Variants in CPQ observed in about 807,000 individuals in gnomAD.
CPQ encodes Ser-Met dipeptidase.
CPQ carries 37 observed loss-of-function variants against 45.7 expected under a neutral mutation model. The observed-to-expected ratio is 0.81, with a 90% CI of 0.62 to 1.07. The LOEUF (loss-of-function observed/expected upper bound fraction) is 1.07, where lower values mean the gene tolerates loss of function less well. Among genes scored for constraint, CPQ ranks in the 50% least tolerant of loss-of-function variants. The probability of loss-of-function intolerance (pLI) is 0.00; values close to 1 mark genes in which losing one functional copy is unlikely to be tolerated. For missense variants in CPQ, 537 were observed against 572.9 expected (o/e 0.94, Z 0.64); for synonymous variants, 186 against 205.8 (o/e 0.90, Z 0.82).
chr8:96,880,341 T>C (rs1812204169), intron 4 of CPQ, among the ~76,000 whole-genome samples: 1 of 151,762 alleles, frequency 6.6e-6, no homozygotes, highest in African/African-American at 2.4e-5. Context: ...GAAAACAGAA[T>C]TAGCGTTTGA....
intron 1 of CPQ, among the ~76,000 whole-genome samples, chr8:96,720,889 G>T (rs1051835499): frequency 1.3e-5 from 2 of 151,798 alleles, no homozygotes; most frequent in South Asian, 2.1e-4. Flanking sequence ...ATTTTCTATG[G>T]TGTGGTCCTA....
At chr8:96,979,851 G>A (rs116155002) in intron 5 of CPQ, among the ~76,000 whole-genome samples, 2,485 of 152,188 alleles carry the variant, frequency 0.016, 63 homozygotes, top group African/African-American at 0.056. Context: ...AATCCTGCTC[G>A]TGCCCTCCTC....
intron 7 of CPQ, among the ~76,000 whole-genome samples, chr8:97,078,664 T>G (rs1244589552): frequency 6.6e-6 from 1 of 152,186 alleles, no homozygotes; most frequent in Non-Finnish European, 1.5e-5. Context: ...AAGAGTTTTC[T>G]GTAGTTCTTT....
intron 4 of CPQ, among the ~76,000 whole-genome samples, chr8:96,962,641 AT>A (rs1170164769): frequency 6.6e-6 from 1 of 152,054 alleles, no homozygotes; most frequent in Non-Finnish European, 1.5e-5. Context: ...CATAAGGGAG[AT>A]TTTCAGTAGC....
At chr8:96,902,244 A>G (rs1812520770) in intron 4 of CPQ, among the ~76,000 whole-genome samples, 1 of 152,240 alleles carries the variant, frequency 6.6e-6, no homozygotes, top group Admixed American at 6.5e-5. Context: ...GATTTTATAT[A>G]TGTAAGTCGT....
At chr8:96,979,714 C>T (rs1007356922) in intron 5 of CPQ, among the ~76,000 whole-genome samples, 1 of 152,100 alleles carries the variant, frequency 6.6e-6, no homozygotes, top group Non-Finnish European at 1.5e-5. Flanking sequence ...TTAGTCTATT[C>T]TTAGGCTCCT....
chr8:96,981,652 A>G (rs1813897988), intron 5 of CPQ, among the ~76,000 whole-genome samples: 1 of 152,210 alleles, frequency 6.6e-6, no homozygotes, highest in Admixed American at 6.5e-5. Context: ...CCTTTCTGAA[A>G]CCTTACAGTA....
At chr8:96,867,536 TA>T (rs1812010986) in intron 3 of CPQ, among the ~76,000 whole-genome samples, 1 of 152,164 alleles carries the variant, frequency 6.6e-6, no homozygotes, top group Admixed American at 6.5e-5. Context: ...TTATTATAAA[TA>T]TAATATTTAC....
At chr8:97,066,329 CT>C (rs1810635903) in intron 7 of CPQ, 119 bp downstream of exon 7, 1 of 883,938 alleles carries the variant, frequency 1.1e-6, no homozygotes, top group East Asian at 2.7e-5. Flanking sequence ...AAACCTTAAG[CT>C]TTTGTTCAAG....
chr8:97,105,145 C>A (rs1377117640), intron 7 of CPQ, among the ~76,000 whole-genome samples: 2 of 152,184 alleles, frequency 1.3e-5, no homozygotes, highest in Non-Finnish European at 2.9e-5. Context: ...TATAGCTTAA[C>A]CTAAGTAATG....
chr8:96,947,530 G>T (rs578063442), intron 4 of CPQ, among the ~76,000 whole-genome samples: 7 of 151,874 alleles, frequency 4.6e-5, no homozygotes, highest in Non-Finnish European at 1.0e-4. Flanking sequence ...TCTTATAATT[G>T]ATTTGGCTAT....
At chr8:96,672,136 G>A (rs2704245) in intron 1 of CPQ, among the ~76,000 whole-genome samples, 12,626 of 152,142 alleles carry the variant, frequency 0.083, 901 homozygotes, top group African/African-American at 0.19. Context: ...AGCTTCATGG[G>A]CTTCTTAAAC....
intron 2 of CPQ, among the ~76,000 whole-genome samples, chr8:96,802,354 C>T (rs558042281): frequency 3.4e-4 from 51 of 152,238 alleles, no homozygotes; most frequent in African/African-American, 1.2e-3. Context: ...CTGGTGAGTA[C>T]ATATTTTGTA....
intron 7 of CPQ, among the ~76,000 whole-genome samples, chr8:97,130,879 A>G (rs1053873244): frequency 2.7e-5 from 4 of 149,824 alleles, no homozygotes; most frequent in African/African-American, 7.4e-5. Context: ...ATAGTAGGTT[A>G]TATTTTAGAA....
intron 3 of CPQ, among the ~76,000 whole-genome samples, chr8:96,854,548 A>ACAAAAC (rs1563513668): frequency 2.5e-5 from 3 of 119,054 alleles, no homozygotes; most frequent in African/African-American, 9.3e-5. Context: ...AAAAAAAAAA[A>ACAAAAC]AAAAAAAAAA....
At chr8:97,140,174 A>AC (rs749549259) in intron 7 of CPQ, among the ~76,000 whole-genome samples, 3,103 of 152,114 alleles carry the variant, frequency 0.02, 48 homozygotes, top group Non-Finnish European at 0.032. Context: ...ATTCCTAGAC[A>AC]AATGTAATTT....
At chr8:97,123,188 ATAAAATAAAATAAAATAAAAAAT>A (rs1324673690) in intron 7 of CPQ, among the ~76,000 whole-genome samples, 2 of 128,246 alleles carry the variant, frequency 1.6e-5, no homozygotes, top group African/African-American at 5.8e-5. Context: ...ATAAAATAAA[ATAAAATAAAATAAAATAAAAAAT>A]AAAATAAAAT....
chr8:96,891,565 G>C (rs1182731507), intron 4 of CPQ, among the ~76,000 whole-genome samples: 1 of 152,136 alleles, frequency 6.6e-6, no homozygotes, highest in Non-Finnish European at 1.5e-5. Context: ...AGGCTGAGTG[G>C]TGTCCATAGA....
intron 2 of CPQ, among the ~76,000 whole-genome samples, chr8:96,791,615 G>C (rs983126733): frequency 6.6e-6 from 1 of 152,178 alleles, no homozygotes; most frequent in African/African-American, 2.4e-5. Context: ...TAGATAAACA[G>C]TTGTCTGGCA....
Sources: allele counts gnomAD v4.1 joint callset (sites outside exome capture counted in the v4.1 genomes callset), GRCh38; gene constraint gnomAD v4.1.1; transcripts MANE v1.5; gene names NCBI Gene and HGNC (gene_info 2026-07-23, HGNC 2026-07-21).